Variants in CDKAL1 observed in about 807,000 individuals in gnomAD.
The protein encoded by CDKAL1 is CDKAL1 threonylcarbamoyladenosine tRNA methylthiotransferase, also known as threonylcarbamoyladenosine tRNA methylthiotransferase.
A neutral mutation model predicts 68.2 loss-of-function variants in CDKAL1; 32 were observed. The observed-to-expected ratio is 0.47, with a 90% CI of 0.35 to 0.63. CDKAL1 has a LOEUF of 0.63. Ranked by LOEUF, CDKAL1 falls within the 30% of genes least tolerant of loss-of-function variation. CDKAL1 has a pLI of 0.00. For synonymous variants in CDKAL1, 234 were observed against 244.3 expected (o/e 0.96, Z 0.39); for missense variants, 606 against 696.7 (o/e 0.87, Z 1.47).
intron 9 of CDKAL1, among the ~76,000 whole-genome samples, chr6:20,871,564 A>G (rs1450086755): frequency 6.6e-6 from 1 of 151,994 alleles, no homozygotes; most frequent in Non-Finnish European, 1.5e-5. Flanking sequence ...TAATGAAGAT[A>G]TAAACAACAA....
At chr6:21,043,702 C>T (rs547681750) in intron 11 of CDKAL1, among the ~76,000 whole-genome samples, 2 of 152,112 alleles carry the variant, frequency 1.3e-5, no homozygotes, top group East Asian at 3.9e-4. Context: ...CTGTCGTATT[C>T]GGTTTATTTA....
chr6:21,039,489 T>C (rs765875451), intron 11 of CDKAL1, among the ~76,000 whole-genome samples: 8 of 152,208 alleles, frequency 5.3e-5, no homozygotes, highest in Non-Finnish European at 8.8e-5. Context: ...CGAGCCATCA[T>C]TACCATTACC....
chr6:21,015,717 A>C (rs1041448407), intron 11 of CDKAL1, among the ~76,000 whole-genome samples: 1 of 152,112 alleles, frequency 6.6e-6, no homozygotes, highest in Non-Finnish European at 1.5e-5. Flanking sequence ...ACTTGAGGTC[A>C]GGAGTTCGAG....
intron 9 of CDKAL1, among the ~76,000 whole-genome samples, chr6:20,887,375 A>G (rs1175274205): frequency 6.6e-6 from 1 of 152,216 alleles, no homozygotes; most frequent in Non-Finnish European, 1.5e-5. Flanking sequence ...AAGCATGTTT[A>G]TAGCTATTTT....
intron 7 of CDKAL1, among the ~76,000 whole-genome samples, chr6:20,770,177 A>G (rs1421607945): frequency 6.6e-6 from 1 of 152,114 alleles, no homozygotes; most frequent in Non-Finnish European, 1.5e-5. Flanking sequence ...AATTTTTTAT[A>G]GAAAATTCTG....
chr6:21,174,848 T>C (rs1235524629), intron 13 of CDKAL1, among the ~76,000 whole-genome samples: 1 of 152,156 alleles, frequency 6.6e-6, no homozygotes, highest in Admixed American at 6.5e-5. Flanking sequence ...TTATTGTTGG[T>C]AATAGCTTAA....
chr6:20,929,126 TGACAGTTCCA>T (rs1219078195), intron 9 of CDKAL1, among the ~76,000 whole-genome samples: 1 of 152,198 alleles, frequency 6.6e-6, no homozygotes, highest in East Asian at 1.9e-4. Flanking sequence ...GCATAAATCC[TGACAGTTCCA>T]GACAGTATGG....
chr6:21,114,887 TC>T (rs1259050757), intron 13 of CDKAL1, among the ~76,000 whole-genome samples: 1 of 152,220 alleles, frequency 6.6e-6, no homozygotes, highest in African/African-American at 2.4e-5. Flanking sequence ...TAATCACACT[TC>T]CTATGACTAC....
intron 1 of CDKAL1, among the ~76,000 whole-genome samples, chr6:20,534,807 C>T (rs1180866991): frequency 6.6e-6 from 1 of 152,172 alleles, no homozygotes; most frequent in Non-Finnish European, 1.5e-5. Flanking sequence ...ATTTTAGGCA[C>T]CTCGTTCCTT....
intron 5 of CDKAL1, among the ~76,000 whole-genome samples, chr6:20,728,405 G>T (rs1442483994): frequency 2.0e-5 from 3 of 152,154 alleles, no homozygotes; most frequent in African/African-American, 7.2e-5. Context: ...TAGAAATGGT[G>T]ATGGTAGATT....
chr6:21,026,342 C>T (rs940893929), intron 11 of CDKAL1, among the ~76,000 whole-genome samples: 1 of 152,000 alleles, frequency 6.6e-6, no homozygotes, highest in Admixed American at 6.6e-5. Context: ...TCTTCTGAAA[C>T]AGGCTGTGAA....
chr6:21,026,076 G>T (rs868082285), intron 11 of CDKAL1, among the ~76,000 whole-genome samples: 1 of 151,730 alleles, frequency 6.6e-6, no homozygotes, highest in Non-Finnish European at 1.5e-5. Context: ...TAAACATTTG[G>T]ATTGTTTTCA....
At chr6:20,793,350 G>A (rs113207954) in intron 8 of CDKAL1, among the ~76,000 whole-genome samples, 73 of 152,286 alleles carry the variant, frequency 4.8e-4, no homozygotes, top group African/African-American at 1.7e-3. Context: ...CAAGGTGTCA[G>A]TAGCGGCGTT....
chr6:20,902,877 A>G (rs1409033078), intron 9 of CDKAL1, among the ~76,000 whole-genome samples: 2 of 152,164 alleles, frequency 1.3e-5, no homozygotes, highest in African/African-American at 4.8e-5. Context: ...GACAGAACCC[A>G]TCCAGGAGAG....
chr6:20,593,207 T>C (rs527778023), intron 4 of CDKAL1, among the ~76,000 whole-genome samples: 36 of 152,320 alleles, frequency 2.4e-4, no homozygotes, highest in Non-Finnish European at 4.3e-4. Flanking sequence ...GAGGAGTCCT[T>C]CTTTTTCTGT....
chr6:21,001,266 C>G (rs1358876236), intron 11 of CDKAL1, among the ~76,000 whole-genome samples: 3 of 152,116 alleles, frequency 2.0e-5, no homozygotes, highest in Non-Finnish European at 4.4e-5. Flanking sequence ...TAATTATGTA[C>G]CTTTGTACTA....
chr6:20,689,778 TAGAG>T (rs1050677349), intron 5 of CDKAL1, among the ~76,000 whole-genome samples: 3 of 152,166 alleles, frequency 2.0e-5, no homozygotes, highest in African/African-American at 7.2e-5. Context: ...ACCAAAAAAA[TAGAG>T]AGGTATTTAA....
intron 11 of CDKAL1, among the ~76,000 whole-genome samples, chr6:21,046,987 G>T (rs1770274825): frequency 6.6e-6 from 1 of 152,054 alleles, no homozygotes; most frequent in Non-Finnish European, 1.5e-5. Flanking sequence ...TTAACTGAAA[G>T]TTGCAAATAA....
intron 15 of CDKAL1, among the ~76,000 whole-genome samples, chr6:21,226,515 C>T (rs975232080): frequency 1.3e-5 from 2 of 152,152 alleles, no homozygotes; most frequent in African/African-American, 4.8e-5. Flanking sequence ...AATTTTAGTG[C>T]GCCCCTTAGT....
Sources: gnomAD v4.1 joint callset for allele counts (sites outside exome capture counted in the v4.1 genomes callset) on GRCh38, gnomAD v4.1.1 for gene constraint, MANE v1.5 for transcripts, NCBI Gene and HGNC (gene_info 2026-07-23, HGNC 2026-07-21) for gene names.